Variants in ADGRV1 observed in about 807,000 individuals in gnomAD.
ADGRV1 encodes G-protein coupled receptor 98.
ADGRV1 carries 359 observed loss-of-function variants against 596.2 expected under a neutral mutation model. That is an observed-to-expected ratio of 0.60 (90% CI 0.55 to 0.66). ADGRV1 has a LOEUF of 0.66. ADGRV1 is among the 30% of genes least tolerant of loss of function. ADGRV1 has a pLI of 0.00. For synonymous variants in ADGRV1, 2,681 were observed against 2,679.2 expected (o/e 1.00, Z -0.02); for missense variants, 7,274 against 7,575.6 (o/e 0.96, Z 1.48).
chr5:90,782,405 C>A (rs139844060), intron 65 of ADGRV1, among the ~76,000 whole-genome samples: 52 of 151,974 alleles, frequency 3.4e-4, no homozygotes, highest in Non-Finnish European at 5.9e-4. Context: ...TTTTTCAGTT[C>A]ATTGTTTTCT....
intron 73 of ADGRV1, among the ~76,000 whole-genome samples, chr5:90,809,235 C>T (rs1301815338): frequency 6.6e-6 from 1 of 150,446 alleles, no homozygotes; most frequent in East Asian, 2.0e-4. Context: ...GGATTACAGG[C>T]GTGAGCCACC....
intron 1 of ADGRV1, among the ~76,000 whole-genome samples, chr5:90,588,104 G>A (rs1194106793): frequency 6.6e-6 from 1 of 151,898 alleles, no homozygotes; most frequent in African/African-American, 2.4e-5. Context: ...GTATTCTATA[G>A]CCACTAGAAA....
intron 83 of ADGRV1, among the ~76,000 whole-genome samples, chr5:90,873,300 G>C (rs868576896): frequency 2.0e-5 from 3 of 152,166 alleles, no homozygotes; most frequent in East Asian, 3.9e-4. Context: ...CTGCCAGGAT[G>C]GGGGAGGAGC....
chr5:91,087,231 T>A (rs1789955541), intron 86 of ADGRV1, among the ~76,000 whole-genome samples: 1 of 152,184 alleles, frequency 6.6e-6, no homozygotes. Flanking sequence ...ATCTCCTACC[T>A]TTTCTTATAG....
In ADGRV1 at chr5:90,685,960, TGAA is replaced by T. The variant is rs2149595511; in HGVS notation, c.6457_6459del (p.Lys2153del). 1.9e-6 allele frequency: 3 copies of T among 1,600,682 alleles called. No individual in the cohort carries two copies. The highest frequency in any genetic ancestry group is 2.6e-6 in the Non-Finnish European group (3 of 1,171,876). On this transcript the variant is annotated inframe_deletion, in exon 29 of 90. Transcript: ENST00000405460. Reference sequence around the variant, plus strand: ...GGAGGAGCATTTGCAGATGTCTCTGTGAAGTTTAAAGCTGTGCCAATAACTGCA... The same window carrying T: ...GGAGGAGCATTTGCAGATGTCTCTGTGTTTAAAGCTGTGCCAATAACTGCA...
Position 90,603,902 on chromosome 5 carries a change from G to A in ADGRV1, c.23-10933G>A, listed in dbSNP as rs577646891. On this transcript the variant is annotated intron_variant, in intron 1 of 89. Transcript: ENST00000405460. ...TGTGTGTGTACGTGCCTGCACACAC[G>A]TGTGTGCAGGCACGTACACACACAT... Among the ~76,000 whole-genome samples, 59 of 136,386 alleles carry A rather than the reference G, an allele frequency of 4.3e-4. 1 individual carries two copies. In the South Asian group the frequency reaches 6.5e-3, roughly 15 times the overall value. 89.5% of individuals were successfully genotyped at this position (136,386 alleles called of 152,430 possible). A position where few individuals can be genotyped will look rare whatever the true frequency, so the allele number is the denominator to read the frequency against.
intron 85 of ADGRV1, among the ~76,000 whole-genome samples, chr5:91,059,432 C>G (rs376558135): frequency 6.6e-6 from 1 of 152,144 alleles, no homozygotes; most frequent in East Asian, 1.9e-4. Context: ...TCTCCTCACT[C>G]TGTCCTTCCC....
At chr5:90,783,773 T>C in intron 66 of ADGRV1, 65 bp from the exon 67 acceptor site, 2 of 1,233,864 alleles carry the variant, frequency 1.6e-6, no homozygotes, top group Non-Finnish European at 1.1e-6. Flanking sequence ...AATGACTGGT[T>C]ATTGGGATTT....
At chr5:90,778,713 C>T (rs568523044) in intron 63 of ADGRV1, 104 bp downstream of exon 63, 2 of 1,068,378 alleles carry the variant, frequency 1.9e-6, no homozygotes, top group African/African-American at 3.2e-5. Flanking sequence ...TTAATTTGCT[C>T]CAAACATCAT....
chr5:90,654,969 A>G (rs984339451), intron 20 of ADGRV1: 3 of 152,276 alleles, frequency 2.0e-5, no homozygotes, highest in African/African-American at 7.2e-5. Flanking sequence ...GACTTACTGC[A>G]GAGGAACTTG....
At position 91,123,814 on chromosome 5, in the gene ADGRV1, A is replaced by G. The variant is rs147697186; in HGVS notation, c.18432+21474A>G. 1.7e-3 allele frequency among the ~76,000 whole-genome samples: 265 copies of G among 152,342 alleles called. 2 individuals are homozygous for G. The highest frequency in any genetic ancestry group is 6.2e-3 in the African/African-American group (256 of 41,582). On this transcript the variant is annotated intron_variant, in intron 87 of 89. Coordinates refer to ENST00000405460, the MANE Select transcript of ADGRV1 (RefSeq NM_032119.4). Reference sequence around the variant, plus strand: ...TTGGCTAAATCACAAAATAGACAAAATATCTGTCTGTTAGCAAAACATGCA... The same window carrying G: ...TTGGCTAAATCACAAAATAGACAAAGTATCTGTCTGTTAGCAAAACATGCA...
intron 82 of ADGRV1, among the ~76,000 whole-genome samples, chr5:90,856,413 T>G (rs1237619109): frequency 1.3e-5 from 2 of 152,170 alleles, no homozygotes; most frequent in African/African-American, 4.8e-5. Flanking sequence ...ACATTCCACA[T>G]CTAGGCCTCA....
chr5:90,697,515 C>T (rs12188928), intron 34 of ADGRV1, among the ~76,000 whole-genome samples: 85,624 of 150,736 alleles, frequency 0.57, 24,985 homozygotes, highest in East Asian at 0.79. Flanking sequence ...GCAAGTATAG[C>T]GTATGCCCAA....
chr5:90,592,423 G>T (rs754052467), intron 1 of ADGRV1, among the ~76,000 whole-genome samples: 2 of 152,188 alleles, frequency 1.3e-5, no homozygotes, highest in Non-Finnish European at 2.9e-5. Flanking sequence ...AGGACGAAAA[G>T]GCATAAGAAT....
At chr5:90,911,048 A>G (rs1005447114) in intron 83 of ADGRV1, among the ~76,000 whole-genome samples, 2 of 152,178 alleles carry the variant, frequency 1.3e-5, no homozygotes, top group Non-Finnish European at 2.9e-5. Context: ...TGTCTTATTT[A>G]ATATTAAAAA....
Position 90,657,958 on chromosome 5 carries a change from G to C in ADGRV1, c.4432G>C (p.Gly1478Arg). 1 of 1,613,792 alleles carries C rather than the reference G, an allele frequency of 6.2e-7. No individual in the cohort carries two copies. Among genetic ancestry groups the C allele is most frequent in the Non-Finnish European group, 8.5e-7 (1 of 1,179,798 alleles). ...GATAAATGGCAATGACAGATTTACAGGTCTGATGCAGGATGTGAGGTCCTA... is the reference window on the plus strand; with the variant it reads ...GATAAATGGCAATGACAGATTTACACGTCTGATGCAGGATGTGAGGTCCTA... ...AGINGNDRFT[G>R]LMQDVRSYER... is the part of the protein sequence containing the mutation. The change falls in exon 21 of 90, where the codon GGT (glycine) becomes CGT (arginine). Residue 1478 changes from glycine (G) to arginine (R), a missense_variant. Physicochemically the swap from Gly to Arg is moderately radical, Grantham distance 125. Around this residue, in one of 5 missense-constraint regions of ADGRV1, gnomAD observed 3,643 missense variants for 3,809.2 expected, o/e 0.96. Transcript: ENST00000405460.
At chr5:91,119,214 T>C (rs1562243105) in intron 87 of ADGRV1, among the ~76,000 whole-genome samples, 1 of 152,152 alleles carries the variant, frequency 6.6e-6, no homozygotes, top group Non-Finnish European at 1.5e-5. Context: ...CAAAAAGAAA[T>C]AATAAAACAC....
intron 83 of ADGRV1, among the ~76,000 whole-genome samples, chr5:90,932,104 T>G (rs2150810494): frequency 6.6e-6 from 1 of 152,336 alleles, no homozygotes; most frequent in Middle Eastern, 3.4e-3. Flanking sequence ...TTTATTTTCT[T>G]CGTGGGTAAA....
intron 83 of ADGRV1, among the ~76,000 whole-genome samples, chr5:90,928,163 A>G (rs527423106): frequency 2.6e-4 from 40 of 152,104 alleles, no homozygotes; most frequent in African/African-American, 9.4e-4. Context: ...TATTTCCTGA[A>G]TCTGAACGTT....
Sources: gnomAD v4.1 joint callset for allele counts (sites outside exome capture counted in the v4.1 genomes callset) on GRCh38, gnomAD v4.1.1 for gene constraint, gnomAD v4.1.1 regional missense constraint, MANE v1.5 for transcripts, NCBI Gene and HGNC (gene_info 2026-07-23, HGNC 2026-07-21) for gene names.